PXDNL: variants seen among roughly 807,000 people sequenced by gnomAD.
The protein encoded by PXDNL is probable oxidoreductase PXDNL.
PXDNL carries 145 observed loss-of-function variants against 150.8 expected under a neutral mutation model. The ratio of observed to expected loss-of-function variants is 0.96; its 90% CI spans 0.84 to 1.10. The LOEUF (loss-of-function observed/expected upper bound fraction) is 1.10, where lower values mean the gene tolerates loss of function less well. Ranked by LOEUF, PXDNL falls within the 50% of genes least tolerant of loss-of-function variation. PXDNL has a pLI of 0.00. For synonymous variants in PXDNL, 757 were observed against 725.7 expected (o/e 1.04, Z -0.69); for missense variants, 2,087 against 1,873.9 (o/e 1.11, Z -2.10).
chr8:51,493,977 G>C (rs546358810), intron 5 of PXDNL, among the ~76,000 whole-genome samples: 2,182 of 128,486 alleles, frequency 0.017, 52 homozygotes, highest in African/African-American at 0.058. Flanking sequence ...ACACATAATT[G>C]TCAGATTCAC....
rs1205136253 is a variant in PXDNL at position 51,534,973 on chromosome 8, G to T, written c.380+21867C>A. Among the ~76,000 whole-genome samples, 139 of 108,878 alleles carry T rather than the reference G, an allele frequency of 1.3e-3. 3 individuals carry two copies. The highest frequency in any genetic ancestry group is 6.2e-3 in the African/African-American group (118 of 19,002). 71.4% of individuals were successfully genotyped at this position (108,878 alleles called of 152,430 possible). A position where few individuals can be genotyped will look rare whatever the true frequency, so the allele number is the denominator to read the frequency against. Reference sequence around the variant, plus strand: ...CCCCGTCCGGGAGGGAGGTGGGGGGGTCAGCCCCCCGCCCGGCCAGCCGCC... The same window carrying T: ...CCCCGTCCGGGAGGGAGGTGGGGGGTTCAGCCCCCCGCCCGGCCAGCCGCC... On this transcript the variant is annotated intron_variant, in intron 4 of 22. Transcript: ENST00000356297.
intron 2 of PXDNL, among the ~76,000 whole-genome samples, chr8:51,608,836 C>CAAAAAAAAAA (rs59195880): frequency 1.2e-3 from 73 of 59,472 alleles, no homozygotes; most frequent in Non-Finnish European, 1.4e-3. Flanking sequence ...GACTCTGTCT[C>CAAAAAAAAAA]AAAAAAAAAA....
intron 17 of PXDNL, among the ~76,000 whole-genome samples, chr8:51,387,233 A>T (rs1252835393): frequency 6.6e-6 from 1 of 152,256 alleles, no homozygotes; most frequent in African/African-American, 2.4e-5. Context: ...CAGTTATAAA[A>T]ATGAGCAGTC....
At chr8:51,763,668 TG>T (rs2037192851) in intron 1 of PXDNL, among the ~76,000 whole-genome samples, 2 of 151,990 alleles carry the variant, frequency 1.3e-5, no homozygotes, top group Admixed American at 1.3e-4. Context: ...ATTCCTGCTC[TG>T]AAAAAAAAAA....
intron 1 of PXDNL, among the ~76,000 whole-genome samples, chr8:51,802,230 G>A (rs1043691009): frequency 2.0e-5 from 3 of 150,980 alleles, no homozygotes; most frequent in Non-Finnish European, 2.9e-5. Context: ...CACAGTTAAT[G>A]TTTCTTGGTG....
chr8:51,329,296 T>A (rs1805610550), intron 21 of PXDNL, among the ~76,000 whole-genome samples: 2 of 151,938 alleles, frequency 1.3e-5, no homozygotes, highest in African/African-American at 4.8e-5. Flanking sequence ...GAAGAATACA[T>A]AAGAAAGGCC....
chr8:51,550,863 G>A (rs1257407186), intron 4 of PXDNL, among the ~76,000 whole-genome samples: 2 of 152,166 alleles, frequency 1.3e-5, no homozygotes, highest in East Asian at 3.8e-4. Flanking sequence ...AATCAGTAAA[G>A]AGGAGTCAAA....
intron 6 of PXDNL, among the ~76,000 whole-genome samples, chr8:51,481,996 A>G (rs1219516657): frequency 7.9e-5 from 12 of 152,188 alleles, no homozygotes. Flanking sequence ...CTCCCTGCCT[A>G]GTGGAGCTGT....
At chr8:51,541,812 T>C (rs1050015960) in intron 4 of PXDNL, among the ~76,000 whole-genome samples, 17 of 152,056 alleles carry the variant, frequency 1.1e-4, no homozygotes, top group Non-Finnish European at 2.4e-4. Context: ...ACCCCGTGTG[T>C]CCCTTCCCTC....
Position 51,571,944 on chromosome 8 carries a change from A to G in PXDNL, c.309-15033T>C. Among the ~76,000 whole-genome samples, 2 of 151,918 alleles carry G rather than the reference A, an allele frequency of 1.3e-5. 1 individual carries two copies. The highest frequency in any genetic ancestry group is 2.9e-5 in the Non-Finnish European group (2 of 67,838). ...TAGAATAAGTGAATGACTATAGATTATCCCTTATTTACAATGGTTTCCCTT... is the reference window on the plus strand; with the variant it reads ...TAGAATAAGTGAATGACTATAGATTGTCCCTTATTTACAATGGTTTCCCTT... On this transcript the variant is annotated intron_variant, in intron 3 of 22. Coordinates refer to ENST00000356297, the MANE Select transcript of PXDNL (RefSeq NM_144651.5).
intron 2 of PXDNL, among the ~76,000 whole-genome samples, chr8:51,642,003 A>T (rs1336257985): frequency 6.0e-5 from 9 of 150,594 alleles, no homozygotes; most frequent in African/African-American, 2.2e-4. Context: ...TGGCACATAT[A>T]CACCATGGAA....
At chr8:51,416,232 G>T (rs1339542950) in intron 14 of PXDNL, among the ~76,000 whole-genome samples, 1 of 152,172 alleles carries the variant, frequency 6.6e-6, no homozygotes, top group African/African-American at 2.4e-5. Context: ...TAAGAAGATT[G>T]TGTGCTAGGA....
At chr8:51,611,228 A>T (rs1035381237) in intron 2 of PXDNL, among the ~76,000 whole-genome samples, 1 of 152,224 alleles carries the variant, frequency 6.6e-6, no homozygotes, top group Non-Finnish European at 1.5e-5. Flanking sequence ...TTAAACATGA[A>T]AAAACTATGT....
chr8:51,435,894 A>G (rs1339081299), intron 12 of PXDNL: 1 of 470,480 alleles, frequency 2.1e-6, no homozygotes, highest in Non-Finnish European at 4.3e-6. Flanking sequence ...AATGGATCGT[A>G]AGCATAAATA....
intron 5 of PXDNL, among the ~76,000 whole-genome samples, chr8:51,486,776 ATATATATATATATATATATTTTTTTTTT>A (rs1396918489): frequency 6.4e-4 from 6 of 9,318 alleles, no homozygotes; most frequent in East Asian, 7.1e-3. Flanking sequence ...ATATATATAT[ATATATATATATATATATATTTTTTTTTT>A]TTTTTTTTTT....
In PXDNL at chr8:51,604,943, T is replaced by C. The variant is rs111392400; in HGVS notation, c.237-12245A>G. 1.7e-3 allele frequency among the ~76,000 whole-genome samples: 259 copies of C among 152,256 alleles called. 2 individuals carry two copies. The highest frequency in any genetic ancestry group is 6.0e-3 in the African/African-American group (249 of 41,544). The stretch of plus-strand genomic sequence containing the variant: ...TACCATGTATCACATAAGTAATCCA[T>C]GACAATTATATAAAAGTTAGAAAAT... On this transcript the variant is annotated intron_variant, in intron 2 of 22. Transcript: ENST00000356297.
At chr8:51,788,788 C>A (rs73590429) in intron 1 of PXDNL, among the ~76,000 whole-genome samples, 4 of 152,172 alleles carry the variant, frequency 2.6e-5, no homozygotes, top group African/African-American at 9.7e-5. Context: ...CTGGAAAAAA[C>A]AACCTCATTC....
chr8:51,515,162 G>A (rs1479934142), intron 4 of PXDNL, among the ~76,000 whole-genome samples: 1 of 152,138 alleles, frequency 6.6e-6, no homozygotes, highest in African/African-American at 2.4e-5. Flanking sequence ...GAGGGAAGGG[G>A]GCAAGGACAG....
intron 21 of PXDNL, among the ~76,000 whole-genome samples, chr8:51,325,050 G>C (rs9774399): frequency 1.1e-4 from 17 of 152,234 alleles, no homozygotes; most frequent in South Asian, 4.2e-4. Context: ...ATTTTTAGTA[G>C]AGATGGGGTT....
Sources: allele counts gnomAD v4.1 joint callset (sites outside exome capture counted in the v4.1 genomes callset), GRCh38; gene constraint gnomAD v4.1.1; transcripts MANE v1.5; gene names NCBI Gene and HGNC (gene_info 2026-07-23, HGNC 2026-07-21).